LDB2: variants seen among roughly 807,000 people sequenced by gnomAD.
The protein encoded by LDB2 is LIM domain-binding protein 2.
LDB2 carries 12 observed loss-of-function variants against 44.3 expected under a neutral mutation model. The observed-to-expected ratio is 0.27, with a 90% CI of 0.17 to 0.44. The LOEUF is 0.44. Ranked by LOEUF, LDB2 falls within the 20% of genes least tolerant of loss-of-function variation. LDB2 has a pLI of 1.00. For synonymous variants in LDB2, 164 were observed against 174.8 expected (o/e 0.94, Z 0.49); for missense variants, 344 against 473.5 (o/e 0.73, Z 2.54).
intron 1 of LDB2, among the ~76,000 whole-genome samples, chr4:16,897,392 A>T (rs1411070290): frequency 3.9e-5 from 6 of 152,154 alleles, no homozygotes; most frequent in Non-Finnish European, 5.9e-5. Flanking sequence ...GAACACTTCC[A>T]CACAAAGCCC....
chr4:16,786,054 T>G (rs1251281063), intron 1 of LDB2, among the ~76,000 whole-genome samples: 1 of 152,112 alleles, frequency 6.6e-6, no homozygotes, highest in Non-Finnish European at 1.5e-5. Flanking sequence ...TAACAACCAC[T>G]AAAAGGGAGC....
intron 2 of LDB2, among the ~76,000 whole-genome samples, chr4:16,693,712 G>A (rs952313177): frequency 2.0e-5 from 3 of 152,190 alleles, no homozygotes; most frequent in Non-Finnish European, 2.9e-5. Context: ...GTGATGCAGA[G>A]GCCAAGAAAC....
At chr4:16,609,121 G>T (rs1443220678) in intron 2 of LDB2, among the ~76,000 whole-genome samples, 1 of 152,154 alleles carries the variant, frequency 6.6e-6, no homozygotes, top group Non-Finnish European at 1.5e-5. Flanking sequence ...GCGCGGGGCA[G>T]TGGCCTACCT....
chr4:16,833,762 C>T (rs978496933), intron 1 of LDB2, among the ~76,000 whole-genome samples: 2 of 152,092 alleles, frequency 1.3e-5, no homozygotes, highest in African/African-American at 2.4e-5. Flanking sequence ...AGGATGGTCT[C>T]GATCTCTTGA....
rs778203264 is a variant in LDB2 at position 16,528,548 on chromosome 4, GA to G, written c.616-16445del. Among the ~76,000 whole-genome samples the G allele has an allele frequency of 9.2e-5, 14 of 152,306 alleles. No homozygotes were observed. The East Asian group carries it at 2.7e-3, about 29-fold the overall frequency. ...TAGACCAGTATTTGGGGCCTCCTGAGAATGGAGAGAGGCTGACGGTAAGCAA... is the reference window on the plus strand; with the variant it reads ...TAGACCAGTATTTGGGGCCTCCTGAGATGGAGAGAGGCTGACGGTAAGCAA... On this transcript the variant is annotated intron_variant, in intron 5 of 7. Transcript: ENST00000304523.
chr4:16,841,151 C>T (rs1785822502), intron 1 of LDB2, among the ~76,000 whole-genome samples: 1 of 151,954 alleles, frequency 6.6e-6, no homozygotes, highest in Non-Finnish European at 1.5e-5. Context: ...TTTTCTTACC[C>T]CTGTAAAAAA....
At chr4:16,670,049 CA>C (rs1487382159) in intron 2 of LDB2, among the ~76,000 whole-genome samples, 2 of 152,186 alleles carry the variant, frequency 1.3e-5, no homozygotes, top group Non-Finnish European at 2.9e-5. Context: ...TAAGGGTCTC[CA>C]AACCTAAAAT....
intron 5 of LDB2, among the ~76,000 whole-genome samples, chr4:16,559,823 T>A (rs1209959601): frequency 6.6e-6 from 1 of 151,920 alleles, no homozygotes; most frequent in South Asian, 2.1e-4. Context: ...GAAGTAAAGC[T>A]CTCCTCAGCA....
At chr4:16,845,038 A>C (rs1786683476) in intron 1 of LDB2, among the ~76,000 whole-genome samples, 1 of 152,200 alleles carries the variant, frequency 6.6e-6, no homozygotes, top group African/African-American at 2.4e-5. Flanking sequence ...GCTCTTTAAG[A>C]GTCAACAGCT....
chr4:16,633,693 T>C (rs528273533), intron 2 of LDB2, among the ~76,000 whole-genome samples: 1 of 152,148 alleles, frequency 6.6e-6, no homozygotes, highest in African/African-American at 2.4e-5. Flanking sequence ...CTGCCCAAAG[T>C]AAGTTATAGG....
Position 16,744,381 on chromosome 4 carries a change from T to C in LDB2, c.235+14777A>G, listed in dbSNP as rs191897854. ...CATGTTGACCAGGCTGGTCTTGAAC[T>C]CCTGACCTCAAGTGATCCACTCATC... is the stretch of plus-strand genomic sequence containing the variant. On this transcript the variant is annotated intron_variant, in intron 2 of 7. Transcript: ENST00000304523. 2.4e-4 allele frequency among the ~76,000 whole-genome samples: 37 copies of C among 152,062 alleles called. No homozygotes were observed. In the East Asian group the frequency reaches 7.2e-3, roughly 30 times the overall value.
intron 1 of LDB2, among the ~76,000 whole-genome samples, chr4:16,772,991 C>T (rs1295315659): frequency 3.3e-5 from 5 of 152,258 alleles, no homozygotes; most frequent in African/African-American, 7.2e-5. Context: ...ACGGCATTGC[C>T]GGGTAGTGAG....
At chr4:16,897,908 A>ATATATATATACACATATG (rs1725590164) in intron 1 of LDB2, among the ~76,000 whole-genome samples, 1 of 15,170 alleles carries the variant, frequency 6.6e-5, no homozygotes, top group African/African-American at 6.6e-4. Context: ...ATATATATAT[A>ATATATATATACACATATG]TATATATATA....
chr4:16,541,070 A>G (rs1733592679), intron 5 of LDB2, among the ~76,000 whole-genome samples: 1 of 152,198 alleles, frequency 6.6e-6, no homozygotes, highest in Non-Finnish European at 1.5e-5. Context: ...GAGTGTTTTC[A>G]GAGTTATGTG....
chr4:16,793,138 C>T (rs1478995412), intron 1 of LDB2, among the ~76,000 whole-genome samples: 1 of 152,158 alleles, frequency 6.6e-6, no homozygotes, highest in African/African-American at 2.4e-5. Flanking sequence ...TCTAAGTGTG[C>T]TAAATAGAAT....
At chr4:16,772,641 G>A (rs1260783903) in intron 1 of LDB2, among the ~76,000 whole-genome samples, 2 of 152,080 alleles carry the variant, frequency 1.3e-5, no homozygotes, top group East Asian at 1.9e-4. Flanking sequence ...CTATTTCTGG[G>A]ACTCCATCCA....
chr4:16,527,447 C>T (rs773239046), intron 5 of LDB2, among the ~76,000 whole-genome samples: 11 of 152,110 alleles, frequency 7.2e-5, no homozygotes, highest in South Asian at 6.2e-4. Flanking sequence ...GGCGTGGATG[C>T]GGTTGAAAAG....
chr4:16,812,349 G>C (rs1014691121), intron 1 of LDB2, among the ~76,000 whole-genome samples: 1 of 151,994 alleles, frequency 6.6e-6, no homozygotes, highest in East Asian at 1.9e-4. Flanking sequence ...ACACAGGAAG[G>C]GCTCATTATG....
intron 5 of LDB2, among the ~76,000 whole-genome samples, chr4:16,548,123 C>T (rs770513571): frequency 6.6e-6 from 1 of 151,936 alleles, no homozygotes. Flanking sequence ...TGTGCCTGGC[C>T]TCAACTTTCC....
Sources: allele counts gnomAD v4.1 joint callset (sites outside exome capture counted in the v4.1 genomes callset), GRCh38; gene constraint gnomAD v4.1.1; transcripts MANE v1.5; gene names NCBI Gene and HGNC (gene_info 2026-07-23, HGNC 2026-07-21).